The following CERS5 variants were observed in gnomAD, a reference collection of about 807,000 sequenced individuals.
The protein encoded by CERS5 is ceramide synthase 5, also known as LAG1 homolog, ceramide synthase 5.
Under a neutral mutation model 58.9 loss-of-function variants are expected in CERS5, and 37 were observed. The ratio of observed to expected loss-of-function variants is 0.63; its 90% CI spans 0.48 to 0.83. The LOEUF (loss-of-function observed/expected upper bound fraction) is 0.83. Among genes scored for constraint, CERS5 ranks in the 40% least tolerant of loss-of-function variants. The pLI is 0.00. For synonymous variants in CERS5, 147 were observed against 177.8 expected (o/e 0.83, Z 1.38); for missense variants, 398 against 489.3 (o/e 0.81, Z 1.76).
rs1341429789 is a variant in CERS5, at chr12:50,167,180, C to G, written c.118G>C (p.Gly40Arg). Residue 40 changes from glycine (G) to arginine (R), a missense_variant, in exon 1 of 10, where the codon GGT becomes CGT. By Grantham distance (125) the Gly-to-Arg change is moderately radical (BLOSUM62 -2). Coordinates refer to ENST00000317551, the MANE Select transcript of CERS5 (RefSeq NM_147190.5). ...ADLEGPADGY[G>R]YPRGRHILSV... ...AGGATGTGCCGGCCGCGGGGGTAAC[C>G]GTAGCCGTCGGCCGGCCCCTCCAGA... 2 of 1,603,276 alleles carry G rather than the reference C, an allele frequency of 1.2e-6. No homozygotes were observed. The highest frequency in any genetic ancestry group is 1.1e-5 in the South Asian group (1 of 90,592).
chr12:50,166,953 G>T (rs1939968626), intron 1 of CERS5, 148 bp downstream of exon 1: 1 of 645,976 alleles, frequency 1.5e-6, no homozygotes, highest in Middle Eastern at 4.2e-4. Flanking sequence ...TCGCCCACGC[G>T]CCTAGCATCA....
At chr12:50,130,743 A>T (rs1951272543) in intron 9 of CERS5, 49 bp from the exon 10 acceptor site, 2 of 1,512,230 alleles carry the variant, frequency 1.3e-6, no homozygotes, top group Admixed American at 1.8e-5. Flanking sequence ...GAACTGTAAG[A>T]CACCTAAGCT....
chr12:50,144,999 G>A (rs746741406), intron 1 of CERS5: 66 of 281,204 alleles, frequency 2.3e-4, no homozygotes, highest in East Asian at 2.7e-4. Flanking sequence ...TTATCTGGGC[G>A]TGGTGGTGGG....
rs1157173704 is a variant in CERS5 at position 50,158,497 on chromosome 12, A to C, written c.197+8604T>G. Among the ~76,000 whole-genome samples, 4 of 152,218 alleles carry C rather than the reference A, an allele frequency of 2.6e-5. No individual in the cohort carries two copies. The East Asian group carries it at 7.7e-4, about 29-fold the overall frequency. On this transcript the variant is annotated intron_variant, in intron 1 of 9. Transcript: ENST00000317551. ...GCTTTCAATAAATAGATGTTGAAGA[A>C]TGAACAGATGAACAAATGGGTGAAA...
intron 1 of CERS5, among the ~76,000 whole-genome samples, chr12:50,162,546 A>G (rs1939418431): frequency 6.6e-6 from 1 of 152,174 alleles, no homozygotes; most frequent in Non-Finnish European, 1.5e-5. Flanking sequence ...GGCTCTGAAA[A>G]AAAGAGAAAA....
At chr12:50,148,882 G>A (rs929391032) in intron 1 of CERS5, among the ~76,000 whole-genome samples, 15 of 133,736 alleles carry the variant, frequency 1.1e-4, no homozygotes, top group Admixed American at 8.3e-4. Flanking sequence ...TCCAGTTGGG[G>A]TGACGGAGCG....
intron 1 of CERS5, among the ~76,000 whole-genome samples, chr12:50,151,097 AT>A (rs150086491): frequency 0.011 from 1,619 of 152,030 alleles, 35 homozygotes; most frequent in African/African-American, 0.036. Context: ...AGTTTTTCAC[AT>A]CTTAAAACAG....
chr12:50,138,246 T>C lies in CERS5; in HGVS notation c.543+321A>G, dbSNP rs139008994. Among the ~76,000 whole-genome samples the C allele has an allele frequency of 3.9e-5, 6 of 152,240 alleles. No homozygotes were observed. The East Asian group carries it at 1.2e-3, about 29-fold the overall frequency. Reference sequence around the variant, plus strand: ...TTACCCTTGATACAAAAAAGACACCTGAACCAGAAAGTACCTCATTAAATA... The same window carrying C: ...TTACCCTTGATACAAAAAAGACACCCGAACCAGAAAGTACCTCATTAAATA... On this transcript the variant is annotated intron_variant, in intron 5 of 9. Transcript: ENST00000317551.
At chr12:50,157,276 C>A (rs1241884810) in intron 1 of CERS5, among the ~76,000 whole-genome samples, 1 of 151,782 alleles carries the variant, frequency 6.6e-6, no homozygotes, top group Non-Finnish European at 1.5e-5. Context: ...TAATAAACTA[C>A]CCTTCATATA....
intron 1 of CERS5, among the ~76,000 whole-genome samples, chr12:50,150,990 C>G (rs1010981151): frequency 3.3e-5 from 5 of 152,184 alleles, no homozygotes; most frequent in African/African-American, 1.2e-4. Context: ...CCACTCTTTA[C>G]TGATCAGAAA....
intron 1 of CERS5, among the ~76,000 whole-genome samples, chr12:50,162,609 CTTTT>C (rs35326678): frequency 6.9e-6 from 1 of 145,690 alleles, no homozygotes; most frequent in African/African-American, 2.5e-5. Flanking sequence ...CTCTCTCTCT[CTTTT>C]TTTTTTTTGT....
At chr12:50,151,348 T>G (rs1937938036) in intron 1 of CERS5, among the ~76,000 whole-genome samples, 1 of 152,202 alleles carries the variant, frequency 6.6e-6, no homozygotes, top group African/African-American at 2.4e-5. Flanking sequence ...TTCCCATTAC[T>G]TTTAATGGCA....
At chr12:50,157,696 G>A (rs1277115382) in intron 1 of CERS5, among the ~76,000 whole-genome samples, 1 of 151,910 alleles carries the variant, frequency 6.6e-6, no homozygotes. Flanking sequence ...GAGAATATTA[G>A]ATGAGGAAAA....
chr12:50,147,382 G>C (rs1324874745), intron 1 of CERS5: 1 of 148,966 alleles, frequency 6.7e-6, no homozygotes, highest in Non-Finnish European at 1.5e-5. Flanking sequence ...TCTCTGGCCT[G>C]GGTAACAGAG....
chr12:50,137,116 G>A (rs1240416401), intron 6 of CERS5, among the ~76,000 whole-genome samples: 2 of 152,126 alleles, frequency 1.3e-5, no homozygotes, highest in Non-Finnish European at 2.9e-5. Context: ...GGTTAGAGCT[G>A]CTAGAACCAC....
intron 1 of CERS5, chr12:50,145,155 A>AG (rs1430454015): frequency 1.5e-5 from 2 of 135,050 alleles, no homozygotes; most frequent in Admixed American, 8.1e-5. Context: ...AAAAAAAAAA[A>AG]AAGAAGAAGA....
At chr12:50,134,500 C>G (rs1235170897) in intron 9 of CERS5, 46 bp downstream of exon 9, 1 of 1,613,746 alleles carries the variant, frequency 6.2e-7, no homozygotes, top group Non-Finnish European at 8.5e-7. Flanking sequence ...GTTGAGTAAT[C>G]CCTATCTTCC....
intron 4 of CERS5, among the ~76,000 whole-genome samples, chr12:50,139,921 C>T (rs544963507): frequency 2.0e-5 from 3 of 152,250 alleles, no homozygotes; most frequent in South Asian, 2.1e-4. Flanking sequence ...GACTGGATCT[C>T]GCCATCTTGC....
At chr12:50,138,712 A>G in intron 4 of CERS5, 95 bp from the exon 5 acceptor site, 1 of 1,109,646 alleles carries the variant, frequency 9.0e-7, no homozygotes. Context: ...GGCTGGGGCA[A>G]AAGAGGACAG....
Sources: gnomAD v4.1 joint callset for allele counts (sites outside exome capture counted in the v4.1 genomes callset) on GRCh38, gnomAD v4.1.1 for gene constraint, MANE v1.5 for transcripts, NCBI Gene and HGNC (gene_info 2026-07-23, HGNC 2026-07-21) for gene names.